TMEM41A: variants seen among roughly 807,000 people sequenced by gnomAD.
TMEM41A encodes transmembrane protein 41A.
A neutral mutation model predicts 25.7 loss-of-function variants in TMEM41A; 20 were observed. The observed-to-expected ratio is 0.78, with a 90% CI of 0.55 to 1.13. The LOEUF is 1.13. Ranked by LOEUF, TMEM41A falls within the 50% of genes most tolerant of loss-of-function variation. The pLI is 0.00. For synonymous variants in TMEM41A, 133 were observed against 139.6 expected (o/e 0.95, Z 0.33); for missense variants, 299 against 314.3 (o/e 0.95, Z 0.37).
chr3:185,497,985 G>A (rs549537627), intron 1 of TMEM41A, among the ~76,000 whole-genome samples: 19 of 152,090 alleles, frequency 1.2e-4, no homozygotes, highest in African/African-American at 4.6e-4. Flanking sequence ...GGCCAGGCGC[G>A]ATGGCTCACG....
intron 4 of TMEM41A, chr3:185,494,066 C>G (rs1394868463): frequency 6.6e-6 from 1 of 152,236 alleles, no homozygotes; most frequent in Non-Finnish European, 1.5e-5. Flanking sequence ...CCAAAGCCCA[C>G]ACTTTGAGAA....
intron 4 of TMEM41A, 91 bp from the exon 5 acceptor site, chr3:185,491,848 G>T: frequency 1.0e-6 from 1 of 990,918 alleles, no homozygotes; most frequent in Non-Finnish European, 1.5e-6. Flanking sequence ...CAGTGACTAC[G>T]GTTTTTTTTT....
At position 185,490,600 on chromosome 3, in the gene TMEM41A, G is replaced by A. The variant is rs765895715; in HGVS notation, c.*937C>T. The stretch of plus-strand genomic sequence containing the variant: ...AGGTCTGACATACATGGTAATGTCA[G>A]TGTGTCTGAACACAAGAGCGTGACA... On this transcript the variant is annotated 3_prime_UTR_variant, in exon 5 of 5. Coordinates refer to ENST00000421852, the MANE Select transcript of TMEM41A (RefSeq NM_080652.4). 5.9e-5 allele frequency: 9 copies of A among 152,242 alleles called. No homozygotes were observed. Among genetic ancestry groups the A allele is most frequent in the Non-Finnish European group, 1.2e-4 (8 of 68,042 alleles). 9.4% of individuals were successfully genotyped at this position (152,242 alleles called of 1,614,324 possible).
At chr3:185,492,317 A>G (rs932599338) in intron 4 of TMEM41A, 1 of 152,166 alleles carries the variant, frequency 6.6e-6, no homozygotes, top group Non-Finnish European at 1.5e-5. Context: ...TAAATAAATA[A>G]ATAAATAAAA....
At position 185,495,135 on chromosome 3, in the gene TMEM41A, A is replaced by G. The variant is rs1577650881; in HGVS notation, c.435+19T>C. ...GACTGTCTGGGGTCCCAGCTCTCAG[A>G]TGTGACCCCTCCCCTTACCTTTCTC... On this transcript the variant is annotated intron_variant, in intron 3 of 4. Coordinates refer to ENST00000421852, the MANE Select transcript of TMEM41A (RefSeq NM_080652.4). 14 of 1,612,644 alleles carry G rather than the reference A, an allele frequency of 8.7e-6. No homozygotes were observed. The highest frequency in any genetic ancestry group is 6.7e-5 in the African/African-American group (5 of 75,010).
intron 1 of TMEM41A, among the ~76,000 whole-genome samples, chr3:185,498,008 A>G (rs1028888420): frequency 2.6e-5 from 4 of 151,938 alleles, no homozygotes; most frequent in African/African-American, 9.7e-5. Context: ...TGTAATCCCA[A>G]CACTTTGGGA....
intron 4 of TMEM41A, chr3:185,492,740 G>A (rs1359148174): frequency 6.6e-6 from 1 of 152,198 alleles, no homozygotes; most frequent in Non-Finnish European, 1.5e-5. Context: ...GATTGGTTTG[G>A]AACACTCTGA....
Position 185,498,814 on chromosome 3 carries a change from T to C in TMEM41A, c.119+29A>G, listed in dbSNP as rs774214417. 84 of 1,542,840 alleles carry C rather than the reference T, an allele frequency of 5.4e-5. 1 individual carries two copies. The Admixed American group carries it at 1.2e-3, about 21-fold the overall frequency. On this transcript the variant is annotated intron_variant, in intron 1 of 4. Coordinates refer to ENST00000421852, the MANE Select transcript of TMEM41A (RefSeq NM_080652.4). ...GTCCTCGGACCCGGCTCCCTTCCTC[T>C]GACCCGAACCCGGATTCCCGCCACG... is the stretch of plus-strand genomic sequence containing the variant.
At chr3:185,496,533 C>G (rs1719105457) in intron 2 of TMEM41A, 1 of 426,438 alleles carries the variant, frequency 2.3e-6, no homozygotes, top group Non-Finnish European at 4.4e-6. Context: ...CTCTCTTGGA[C>G]ATGTTTGCTT....
chr3:185,490,657 A>T lies in TMEM41A; in HGVS notation c.*880T>A, dbSNP rs1718919287. 1 of 152,270 alleles carries T rather than the reference A, an allele frequency of 6.6e-6. No homozygotes were observed. The highest frequency in any genetic ancestry group is 1.5e-5 in the Non-Finnish European group (1 of 68,050). The allele number at this position is 152,270 out of a possible 1,614,324, so 9.4% of individuals were successfully genotyped here. On this transcript the variant is annotated 3_prime_UTR_variant, in exon 5 of 5. Transcript: ENST00000421852. ...ATCATGTATGTGAGCAACACGTGGAAGTCCTAGGCAGTTCGTCAACTTGTT... is the reference window on the plus strand; with the variant it reads ...ATCATGTATGTGAGCAACACGTGGATGTCCTAGGCAGTTCGTCAACTTGTT...
chr3:185,495,317 T>C lies in TMEM41A; in HGVS notation c.274-2A>G. 1 of 1,613,124 alleles carries C rather than the reference T, an allele frequency of 6.2e-7. No individual in the cohort carries two copies. On this transcript the variant is annotated splice_acceptor_variant, in intron 2 of 4. Transcript: ENST00000421852. LOFTEE classifies it high-confidence loss of function. The stretch of plus-strand genomic sequence containing the variant: ...AAACAAGGCACCAGCTAAAACATTC[T>C]GCAAATAAAACAAACCCTCAGGCAT...
chr3:185,498,583 C>A (rs1719180685), intron 1 of TMEM41A: 1 of 384,052 alleles, frequency 2.6e-6, no homozygotes, highest in Non-Finnish European at 4.7e-6. Flanking sequence ...AAAGGCACCG[C>A]GGCGTGACGC....
In TMEM41A at chr3:185,497,000, A is replaced by C; in HGVS notation, c.120-19T>G. The C allele has an allele frequency of 6.3e-7, 1 of 1,582,758 alleles. No individual in the cohort carries two copies. Among genetic ancestry groups the C allele is most frequent in the Non-Finnish European group, 8.6e-7 (1 of 1,166,668 alleles). The stretch of plus-strand genomic sequence containing the variant: ...CAGCGACCTGGGGATTTGGAAAAGC[A>C]GATGGAAACATGAGTTCAGATCAGT... On this transcript the variant is annotated intron_variant, in intron 1 of 4. Coordinates refer to ENST00000421852, the MANE Select transcript of TMEM41A (RefSeq NM_080652.4).
chr3:185,498,941 G>C lies in TMEM41A; in HGVS notation c.21C>G (p.Leu7=), dbSNP rs1217888406. The change falls in exon 1 of 5, where the codon CTC becomes CTG. Residue 7 remains leucine (L), a synonymous_variant. Transcript: ENST00000421852. MRPLLG[L]LLVFAGCTFA... ...AGGTGCAGCCGGCGAAGACCAGAAG[G>C]AGGCCGAGAAGCGGGCGCATGTCGG... The C allele has an allele frequency of 1.9e-6, 3 of 1,603,498 alleles. No homozygotes were observed. The highest frequency in any genetic ancestry group is 3.4e-5 in the Admixed American group (2 of 58,840).
intron 2 of TMEM41A, 171 bp from the exon 3 acceptor site, chr3:185,495,486 G>A: frequency 3.0e-6 from 2 of 658,960 alleles, no homozygotes; most frequent in Non-Finnish European, 5.2e-6. Context: ...TGTCACCCAG[G>A]CTGGAGTACA....
intron 2 of TMEM41A, chr3:185,496,616 G>C: frequency 1.6e-6 from 1 of 622,448 alleles, no homozygotes; most frequent in Non-Finnish European, 2.9e-6. Flanking sequence ...ACAGGCTGGG[G>C]TGGGAGAGGG....
intron 1 of TMEM41A, 48 bp downstream of exon 1, chr3:185,498,795 G>A: frequency 7.1e-7 from 1 of 1,410,684 alleles, no homozygotes; most frequent in Non-Finnish European, 9.6e-7. Flanking sequence ...CCCGGTCCTC[G>A]GACCCGGCTC....
chr3:185,498,899 C>G lies in TMEM41A; in HGVS notation c.63G>C (p.Leu21=). The G allele has an allele frequency of 6.2e-7, 1 of 1,606,508 alleles. No homozygotes were observed. The highest frequency in any genetic ancestry group is 8.5e-7 in the Non-Finnish European group (1 of 1,177,272). ...FAGCTFALYL[L]STRLPRGRRL... Reference sequence around the variant, plus strand: ...TCCGCCCGCGGGGCAGTCGCGTCGACAGCAAGTACAAGGCGAAGGTGCAGC... The same window carrying G: ...TCCGCCCGCGGGGCAGTCGCGTCGAGAGCAAGTACAAGGCGAAGGTGCAGC... Residue 21 remains leucine (L), a synonymous_variant, in exon 1 of 5, where the codon CTG becomes CTC. Coordinates refer to ENST00000421852, the MANE Select transcript of TMEM41A (RefSeq NM_080652.4).
rs1718942339 is a variant in TMEM41A, at chr3:185,491,301, C to T, written c.*236G>A. 1 of 406,300 alleles carries T rather than the reference C, an allele frequency of 2.5e-6. No homozygotes were observed. The highest frequency in any genetic ancestry group is 4.5e-6 in the Non-Finnish European group (1 of 223,008). The allele number at this position is 406,300 out of a possible 1,614,324, so 25.2% of individuals were successfully genotyped here. A position where few individuals can be genotyped will look rare whatever the true frequency, so the allele number is the denominator to read the frequency against. On this transcript the variant is annotated 3_prime_UTR_variant, in exon 5 of 5. Transcript: ENST00000421852. ...GTGAGCCACCGCGCCCGGCCACAAA[C>T]AGCATTTTCTAGGAGGCATCTGTTG...
Sources: gnomAD v4.1 joint callset for allele counts (sites outside exome capture counted in the v4.1 genomes callset) on GRCh38, gnomAD v4.1.1 for gene constraint, MANE v1.5 for transcripts, NCBI Gene and HGNC (gene_info 2026-07-23, HGNC 2026-07-21) for gene names.